The following PIP4P2 variants were observed in gnomAD, a reference collection of about 807,000 sequenced individuals.
PIP4P2 encodes the protein type 2 phosphatidylinositol 4,5-bisphosphate 4-phosphatase.
In PIP4P2, 19 loss-of-function variants were observed where a neutral mutation model predicts 33.3. That is an observed-to-expected ratio of 0.57 (90% CI 0.40 to 0.84). PIP4P2 has a LOEUF of 0.84. Among genes scored for constraint, PIP4P2 ranks in the 40% least tolerant of loss-of-function variants. The pLI is 0.00. For synonymous variants in PIP4P2, 110 were observed against 111.9 expected, an observed-to-expected ratio of 0.98 and a Z score of 0.11; for missense variants, 270 against 324.7, an observed-to-expected ratio of 0.83 and a Z score of 1.29.
At chr8:91,027,189 T>C (rs957813776) in intron 1 of PIP4P2, among the ~76,000 whole-genome samples, 2 of 152,216 alleles carry the variant, frequency 1.3e-5, no homozygotes, top group Non-Finnish European at 2.9e-5. Context: ...TCCACAGCCT[T>C]ATCAAGTTTC....
intron 1 of PIP4P2, among the ~76,000 whole-genome samples, chr8:91,029,828 G>T (rs886214751): frequency 6.6e-6 from 1 of 152,090 alleles, no homozygotes; most frequent in Non-Finnish European, 1.5e-5. Context: ...TTAGCCGGGC[G>T]TGGTGGCGGG....
intron 4 of PIP4P2, among the ~76,000 whole-genome samples, chr8:91,017,866 T>G (rs925981487): frequency 6.6e-6 from 1 of 152,218 alleles, no homozygotes; most frequent in African/African-American, 2.4e-5. Context: ...TTATAACTTT[T>G]GCTCATATCA....
rs1586182190 is a variant in PIP4P2 at position 91,021,398 on chromosome 8, A to T, written c.113T>A (p.Leu38His). 3.7e-6 allele frequency: 6 copies of T among 1,613,474 alleles called. No homozygotes were observed. Among genetic ancestry groups the T allele is most frequent in the Non-Finnish European group, 5.1e-6 (6 of 1,179,632 alleles). ...YLQESSPRAELPPPYTAIASP... is the reference protein window; with the variant it reads ...YLQESSPRAEHPPPYTAIASP... The stretch of plus-strand genomic sequence containing the variant: ...GGCAATGGCTGTATATGGAGGTGGG[A>T]GCTCCGCTGAAAAGATATTAGTCAC... Residue 38 changes from leucine to histidine, a missense_variant, in exon 2 of 7, where the codon CTC becomes CAC. By Grantham distance (99) the Leu-to-His change is moderately conservative (BLOSUM62 -3). Transcript: ENST00000285419.
In PIP4P2 at chr8:90,993,851, C is replaced by A. The variant is rs1811593377; in HGVS notation, c.*1826G>T. 6.6e-6 allele frequency: 1 copy of A among 152,142 alleles called. No individual in the cohort carries two copies. Among genetic ancestry groups the A allele is most frequent in the East Asian group, 1.9e-4 (1 of 5,184 alleles). 9.4% of individuals were successfully genotyped at this position (152,142 alleles called of 1,614,324 possible). On this transcript the variant is annotated 3_prime_UTR_variant, in exon 7 of 7. Coordinates refer to ENST00000285419, the MANE Select transcript of PIP4P2 (RefSeq NM_018710.3). ...ATTTATTCATTCATGCATATTCATT[C>A]ACGTAAATTGAGCACATGTACACTA...
Position 91,021,251 on chromosome 8 carries a change from C to T in PIP4P2, c.255+5G>A. The stretch of plus-strand genomic sequence containing the variant: ...ATATTTTTTCTAATGGAAATCTCCA[C>T]TTACCGTAGCTTCATTGCAAACTGT... On this transcript the variant is annotated splice_donor_5th_base_variant and intron_variant, in intron 2 of 6. Coordinates refer to ENST00000285419, the MANE Select transcript of PIP4P2 (RefSeq NM_018710.3). 1.9e-6 allele frequency: 3 copies of T among 1,612,764 alleles called. No individual in the cohort carries two copies. The highest frequency in any genetic ancestry group is 1.7e-5 in the Admixed American group (1 of 59,738).
chr8:91,020,572 G>T (rs1378665859), intron 2 of PIP4P2, among the ~76,000 whole-genome samples: 1 of 151,934 alleles, frequency 6.6e-6, no homozygotes, highest in East Asian at 1.9e-4. Context: ...AATATATAAA[G>T]CCTAACTATG....
At chr8:91,006,569 C>G (rs1811766870) in intron 5 of PIP4P2, among the ~76,000 whole-genome samples, 1 of 152,084 alleles carries the variant, frequency 6.6e-6, no homozygotes, top group Non-Finnish European at 1.5e-5. Context: ...TGTAAAATTA[C>G]AAAAATCATC....
intron 3 of PIP4P2, 80 bp downstream of exon 3, chr8:91,020,077 G>T: frequency 1.4e-6 from 2 of 1,379,708 alleles, no homozygotes; most frequent in Non-Finnish European, 2.0e-6. Context: ...CTAGAACAAA[G>T]CCTGGCACTG....
intron 1 of PIP4P2, among the ~76,000 whole-genome samples, chr8:91,029,252 T>C (rs1812124651): frequency 6.6e-6 from 1 of 151,612 alleles, no homozygotes; most frequent in Non-Finnish European, 1.5e-5. Flanking sequence ...GATCGTGCTA[T>C]TGCACTCCAG....
intron 5 of PIP4P2, among the ~76,000 whole-genome samples, chr8:91,004,249 G>A (rs1043572455): frequency 3.9e-5 from 6 of 152,110 alleles, no homozygotes; most frequent in African/African-American, 1.4e-4. Flanking sequence ...AGAGGGCCTG[G>A]AGTTCTGATG....
At chr8:91,022,883 T>C (rs1349253543) in intron 1 of PIP4P2, among the ~76,000 whole-genome samples, 2 of 152,176 alleles carry the variant, frequency 1.3e-5, no homozygotes, top group African/African-American at 4.8e-5. Context: ...AATGACGATA[T>C]GCTTATGTTT....
chr8:91,004,087 G>GA (rs1811736493), intron 5 of PIP4P2, among the ~76,000 whole-genome samples: 1 of 152,092 alleles, frequency 6.6e-6, no homozygotes, highest in Non-Finnish European at 1.5e-5. Flanking sequence ...TGCAACAGGG[G>GA]ATCTGTAAGA....
intron 4 of PIP4P2, among the ~76,000 whole-genome samples, chr8:91,016,038 G>A (rs1811910402): frequency 6.6e-6 from 1 of 152,176 alleles, no homozygotes; most frequent in Non-Finnish European, 1.5e-5. Context: ...ATTTAATAAT[G>A]TTAGCACAGG....
At chr8:91,004,101 C>T (rs910007072) in intron 5 of PIP4P2, among the ~76,000 whole-genome samples, 1 of 151,950 alleles carries the variant, frequency 6.6e-6, no homozygotes, top group Non-Finnish European at 1.5e-5. Context: ...TGTAAGAGTC[C>T]CTGGACTGTT....
At chr8:91,011,019 G>GAGATAGATGATAGATAGAT (rs5893155) in intron 4 of PIP4P2, among the ~76,000 whole-genome samples, 2 of 145,276 alleles carry the variant, frequency 1.4e-5, no homozygotes, top group African/African-American at 5.2e-5. Context: ...GTATCTTACT[G>GAGATAGATGATAGATAGAT]AGATAGATAG....
chr8:91,037,768 G>A (rs1812251425), intron 1 of PIP4P2, among the ~76,000 whole-genome samples: 1 of 152,010 alleles, frequency 6.6e-6, no homozygotes, highest in African/African-American at 2.4e-5. Context: ...AATACATAAT[G>A]AGACAACCCC....
intron 5 of PIP4P2, among the ~76,000 whole-genome samples, chr8:90,998,806 G>A (rs1296467780): frequency 6.6e-6 from 1 of 151,740 alleles, no homozygotes; most frequent in African/African-American, 2.4e-5. Flanking sequence ...AACATTTATA[G>A]TTATATAGGT....
chr8:91,021,452 G>A (rs371302488), intron 1 of PIP4P2, 48 bp from the exon 2 acceptor site: 4 of 1,599,266 alleles, frequency 2.5e-6, no homozygotes, highest in Non-Finnish European at 3.4e-6. Context: ...AAATTACTAT[G>A]GCTGGTTTGA....
Position 90,995,835 on chromosome 8 carries a change from A to G in PIP4P2, c.631-15T>C. On this transcript the variant is annotated splice_polypyrimidine_tract_variant and intron_variant, in intron 6 of 6. Transcript: ENST00000285419. ...GGGGTGCCAACCTAAAATAAAAAGC[A>G]ATATAAAAACAAAATATTAGAAACT... 1 of 1,590,696 alleles carries G rather than the reference A, an allele frequency of 6.3e-7. No individual in the cohort carries two copies. The highest frequency in any genetic ancestry group is 8.5e-7 in the Non-Finnish European group (1 of 1,173,594).
Sources: gnomAD v4.1 joint callset for allele counts (sites outside exome capture counted in the v4.1 genomes callset) on GRCh38, gnomAD v4.1.1 for gene constraint, MANE v1.5 for transcripts, NCBI Gene and HGNC (gene_info 2026-07-23, HGNC 2026-07-21) for gene names.